The following ABCA8 variants were observed in gnomAD, a reference collection of about 807,000 sequenced individuals.
ABCA8 encodes ATP binding cassette subfamily A member 8, also known as ABC-type organic anion transporter ABCA8.
A neutral mutation model predicts 192.3 loss-of-function variants in ABCA8; 177 were observed. That is an observed-to-expected ratio of 0.92 (90% CI 0.81 to 1.04). ABCA8 has a LOEUF of 1.04. Ranked by LOEUF, ABCA8 falls within the 50% of genes least tolerant of loss-of-function variation. ABCA8 has a pLI of 0.00. For missense variants in ABCA8, 1,915 were observed against 1,904.8 expected, an observed-to-expected ratio of 1.01 and a Z score of -0.10; for synonymous variants, 642 against 690.2, an observed-to-expected ratio of 0.93 and a Z score of 1.09.
chr17:68,952,517 G>T (rs1461564796), intron 1 of ABCA8, among the ~76,000 whole-genome samples: 1 of 152,192 alleles, frequency 6.6e-6, no homozygotes, highest in East Asian at 1.9e-4. Flanking sequence ...ATACAAAGTA[G>T]ATTCATTTTT....
chr17:68,894,371 T>C, intron 22 of ABCA8, 61 bp from the exon 23 acceptor site: 1 of 1,444,752 alleles, frequency 6.9e-7, no homozygotes, highest in South Asian at 1.4e-5. Context: ...TCTAAAAAAG[T>C]CAAAATTTGA....
Position 68,902,712 on chromosome 17 carries a change from C to T in ABCA8, c.2764+1G>A, listed in dbSNP as rs1472164714. 6.2e-7 allele frequency: 1 copy of T among 1,610,598 alleles called. No homozygotes were observed. On this transcript the variant is annotated splice_donor_variant, in intron 21 of 39. Transcript: ENST00000586539. LOFTEE classifies it high-confidence loss of function. ...TGGAAATCAAGTATCCACCATTTTA[C>T]CTGTTTTATTGATGATCAGTAGTTG...
At chr17:68,914,947 A>G (rs1390338039) in intron 17 of ABCA8, among the ~76,000 whole-genome samples, 1 of 152,244 alleles carries the variant, frequency 6.6e-6, no homozygotes, top group East Asian at 1.9e-4. Context: ...CCAGACACAT[A>G]GACCAGTGGA....
chr17:68,872,131 T>G (rs915252710), intron 37 of ABCA8, among the ~76,000 whole-genome samples: 1 of 151,804 alleles, frequency 6.6e-6, no homozygotes, highest in Non-Finnish European at 1.5e-5. Context: ...CACATGCACA[T>G]GTATGTTTAT....
chr17:68,922,395 T>A (rs1200568606), intron 11 of ABCA8, 95 bp from the exon 12 acceptor site: 1 of 871,258 alleles, frequency 1.1e-6, no homozygotes. Flanking sequence ...AACTTCAGGA[T>A]ACATGAAGAT....
chr17:68,927,783 C>T (rs1241122777), intron 10 of ABCA8, 133 bp downstream of exon 10: 3 of 663,024 alleles, frequency 4.5e-6, no homozygotes, highest in South Asian at 2.9e-5. Context: ...CCAGTAGCGA[C>T]GACTTTGTTC....
chr17:68,873,807 T>C (rs1367069572), intron 37 of ABCA8, among the ~76,000 whole-genome samples: 1 of 152,248 alleles, frequency 6.6e-6, no homozygotes, highest in East Asian at 1.9e-4. Flanking sequence ...GAAGAGACTA[T>C]CCCTTCCCCA....
chr17:68,905,192 C>T (rs2067033215), intron 19 of ABCA8, among the ~76,000 whole-genome samples: 1 of 152,144 alleles, frequency 6.6e-6, no homozygotes, highest in South Asian at 2.1e-4. Flanking sequence ...CATTGTTTAC[C>T]TCAGTGTTCC....
intron 17 of ABCA8, among the ~76,000 whole-genome samples, chr17:68,912,436 G>A (rs1244357613): frequency 6.6e-6 from 1 of 151,974 alleles, no homozygotes; most frequent in African/African-American, 2.4e-5. Flanking sequence ...AATGAAGCAT[G>A]CCTACAAGAT....
intron 17 of ABCA8, among the ~76,000 whole-genome samples, chr17:68,910,634 C>G (rs960203292): frequency 6.6e-6 from 1 of 152,174 alleles, no homozygotes; most frequent in Non-Finnish European, 1.5e-5. Context: ...GTTTCACCCC[C>G]TCCCCCAACA....
chr17:68,951,761 TTC>T (rs148030269), intron 1 of ABCA8, among the ~76,000 whole-genome samples: 19,036 of 152,142 alleles, frequency 0.13, 1,821 homozygotes, highest in African/African-American at 0.26. Flanking sequence ...ATGTATCTGT[TTC>T]TATCTCTTTG....
chr17:68,945,389 T>A (rs150805049), intron 2 of ABCA8, among the ~76,000 whole-genome samples: 1 of 152,198 alleles, frequency 6.6e-6, no homozygotes, highest in Non-Finnish European at 1.5e-5. Context: ...GATATTTGTT[T>A]GCTGCTAGTT....
At chr17:68,881,738 G>T in intron 31 of ABCA8, 125 bp downstream of exon 31, 1 of 702,816 alleles carries the variant, frequency 1.4e-6, no homozygotes, top group Non-Finnish European at 2.5e-6. Context: ...AAAGGAAGCT[G>T]TCATTGTCAT....
At chr17:68,879,339 G>T (rs888889219) in intron 32 of ABCA8, 1 of 152,214 alleles carries the variant, frequency 6.6e-6, no homozygotes, top group Admixed American at 6.5e-5. Flanking sequence ...CACTGAAAGT[G>T]CAAATCCGTG....
Position 68,903,327 on chromosome 17 carries a change from C to T in ABCA8, c.2571G>A (p.Lys857=). 1 of 1,614,100 alleles carries T rather than the reference C, an allele frequency of 6.2e-7. No homozygotes were observed. The highest frequency in any genetic ancestry group is 1.3e-5 in the African/African-American group (1 of 75,050). Residue 857 remains lysine, a synonymous_variant, in exon 20 of 40, where the codon AAG becomes AAA. Coordinates refer to ENST00000586539, the MANE Select transcript of ABCA8 (RefSeq NM_001288985.2). The part of the protein sequence containing the change: ...AIARVRLLKL[K]HERKALLALL... ...GTGCTAAAAGAGCTTTTCTTTCATG[C>T]TTTAACTTTAACAAGCGAACCCTTG...
chr17:68,916,644 A>G (rs1453891490), intron 17 of ABCA8, among the ~76,000 whole-genome samples: 2 of 152,198 alleles, frequency 1.3e-5, no homozygotes, highest in Non-Finnish European at 2.9e-5. Flanking sequence ...TAAAATGAAG[A>G]GGATGGATGG....
At chr17:68,876,235 C>A (rs1355655979) in intron 35 of ABCA8, 1 of 597,188 alleles carries the variant, frequency 1.7e-6, no homozygotes, top group African/African-American at 1.9e-5. Context: ...AGAGTGAGAC[C>A]TATGGGCCCT....
chr17:68,887,805 G>A lies in ABCA8; in HGVS notation c.3145-299C>T, dbSNP rs76989125. Among the ~76,000 whole-genome samples the A allele has an allele frequency of 6.3e-3, 930 of 148,024 alleles. 12 individuals carry two copies. Among genetic ancestry groups the A allele is most frequent in the East Asian group, 0.043 (213 of 4,964 alleles). On this transcript the variant is annotated intron_variant, in intron 24 of 39. Coordinates refer to ENST00000586539, the MANE Select transcript of ABCA8 (RefSeq NM_001288985.2). ...TAATGACTTACAGGTGGGTAGGGGT[G>A]AATGGGATGGACAGTTTATTCCCTT...
chr17:68,942,120 C>T (rs766931678), intron 2 of ABCA8, 81 bp from the exon 3 acceptor site: 90 of 987,638 alleles, frequency 9.1e-5, no homozygotes, highest in Admixed American at 1.5e-4. Flanking sequence ...AACAAAAAAA[C>T]GTAGCCTAAT....
Sources: gnomAD v4.1 joint callset for allele counts (sites outside exome capture counted in the v4.1 genomes callset) on GRCh38, gnomAD v4.1.1 for gene constraint, MANE v1.5 for transcripts, NCBI Gene and HGNC (gene_info 2026-07-23, HGNC 2026-07-21) for gene names.